ARHGAP15: variants seen among roughly 807,000 people sequenced by gnomAD.
ARHGAP15 encodes Rho GTPase activating protein 15, also known as rho GTPase-activating protein 15.
ARHGAP15 carries 51 observed loss-of-function variants against 63.7 expected under a neutral mutation model. The observed-to-expected ratio is 0.80, with a 90% confidence interval of 0.64 to 1.01. ARHGAP15 has a LOEUF of 1.01. Ranked by LOEUF, ARHGAP15 falls within the 50% of genes least tolerant of loss-of-function variation. The pLI is 0.00. For missense variants in ARHGAP15, 560 were observed against 564.6 expected (o/e 0.99, Z 0.08); for synonymous variants, 191 against 193.8 (o/e 0.99, Z 0.12).
rs968265258 is a variant in ARHGAP15 at position 143,388,488 on chromosome 2, C to T, written c.475-47113C>T. Among the ~76,000 whole-genome samples, 7 of 152,168 alleles carry T rather than the reference C, an allele frequency of 4.6e-5. No individual in the cohort carries two copies. The East Asian group carries it at 1.3e-3, about 29-fold the overall frequency. ...AGATGGGTTTATGGGAGAGAGACAGCACAAACCCCCAAACTTGGGCCTTCA... is the reference window on the plus strand; with the variant it reads ...AGATGGGTTTATGGGAGAGAGACAGTACAAACCCCCAAACTTGGGCCTTCA... On this transcript the variant is annotated intron_variant, in intron 6 of 13. Coordinates refer to ENST00000295095, the MANE Select transcript of ARHGAP15 (RefSeq NM_018460.4).
At chr2:143,557,025 G>A (rs1321908577) in intron 11 of ARHGAP15, among the ~76,000 whole-genome samples, 1 of 152,082 alleles carries the variant, frequency 6.6e-6, no homozygotes. Flanking sequence ...GGAGCAACAG[G>A]AACTCTCATT....
intron 11 of ARHGAP15, among the ~76,000 whole-genome samples, chr2:143,592,488 C>T (rs1488478559): frequency 1.3e-5 from 2 of 152,162 alleles, no homozygotes; most frequent in African/African-American, 2.4e-5. Context: ...ATTTCCTTCC[C>T]ATTAGTTTCA....
intron 6 of ARHGAP15, among the ~76,000 whole-genome samples, chr2:143,344,849 A>C (rs1486911741): frequency 1.3e-5 from 2 of 152,150 alleles, no homozygotes; most frequent in East Asian, 3.9e-4. Flanking sequence ...AGTAAACTAC[A>C]AGGAATATCA....
chr2:143,426,648 G>C (rs1488012147), intron 6 of ARHGAP15, among the ~76,000 whole-genome samples: 1 of 152,144 alleles, frequency 6.6e-6, no homozygotes, highest in Non-Finnish European at 1.5e-5. Context: ...TCCTCACTCA[G>C]TCAGAAGACC....
Position 143,520,001 on chromosome 2 carries a change from A to C in ARHGAP15, c.925+637A>C, listed in dbSNP as rs1046697716. On this transcript the variant is annotated intron_variant, in intron 10 of 13. Transcript: ENST00000295095. The stretch of plus-strand genomic sequence containing the variant: ...CTATCTGTGGGGTGTTTTTCCTTCA[A>C]ACTATGACTTCATTCATTCAAGGTC... Among the ~76,000 whole-genome samples the C allele has an allele frequency of 5.9e-5, 9 of 152,296 alleles. No homozygotes were observed. The East Asian group carries it at 1.7e-3, about 29-fold the overall frequency.
chr2:143,746,816 A>G (rs1454434242), intron 13 of ARHGAP15, among the ~76,000 whole-genome samples: 1 of 152,242 alleles, frequency 6.6e-6, no homozygotes, highest in Non-Finnish European at 1.5e-5. Flanking sequence ...ATATGATTCT[A>G]AAAGTCTTCC....
Position 143,487,447 on chromosome 2 carries a change from A to G in ARHGAP15, c.778A>G (p.Thr260Ala), listed in dbSNP as rs1257430987. 6.2e-7 allele frequency: 1 copy of G among 1,613,798 alleles called. No individual in the cohort carries two copies. Among genetic ancestry groups the G allele is most frequent in the East Asian group, 2.2e-5 (1 of 44,838 alleles). The part of the protein sequence containing the change: ...RVKSRLKKFI[T>A]RRPSLKTLQE... ...TAAAAGCAGATTAAAGAAGTTTATT[A>G]CCCGAAGACCTTCCCTGAAAACTCT... The change falls in exon 9 of 14, where the codon ACC becomes GCC. Residue 260 changes from threonine (T) to alanine (A), a missense_variant. By Grantham distance (58) the Thr-to-Ala change is moderately conservative. Coordinates refer to ENST00000295095, the MANE Select transcript of ARHGAP15 (RefSeq NM_018460.4).
chr2:143,235,044 G>T (rs1169780932), intron 5 of ARHGAP15, among the ~76,000 whole-genome samples: 1 of 151,972 alleles, frequency 6.6e-6, no homozygotes, highest in Non-Finnish European at 1.5e-5. Context: ...GTATGCATTT[G>T]GTTAATCAAG....
At chr2:143,620,196 T>C (rs555837645) in intron 11 of ARHGAP15, among the ~76,000 whole-genome samples, 1 of 152,352 alleles carries the variant, frequency 6.6e-6, no homozygotes, top group Non-Finnish European at 1.5e-5. Context: ...TATCCTTCTA[T>C]CTTCATTTTA....
intron 11 of ARHGAP15, among the ~76,000 whole-genome samples, chr2:143,623,751 C>T (rs976037252): frequency 1.3e-5 from 2 of 152,338 alleles, no homozygotes; most frequent in Middle Eastern, 3.4e-3. Context: ...GCCTTTAGGC[C>T]GGTCCCTTGA....
chr2:143,747,213 G>C (rs1004942756), intron 13 of ARHGAP15, among the ~76,000 whole-genome samples: 2 of 151,382 alleles, frequency 1.3e-5, no homozygotes, highest in African/African-American at 4.9e-5. Context: ...AAACCTGCAC[G>C]CTCAGCACGT....
intron 6 of ARHGAP15, among the ~76,000 whole-genome samples, chr2:143,342,263 AAAAG>A (rs1331735104): frequency 1.6e-4 from 25 of 152,180 alleles, no homozygotes; most frequent in Admixed American, 1.6e-3. Flanking sequence ...TGTTTTCTCA[AAAAG>A]AAAGAACACT....
At chr2:143,543,074 T>G (rs982872075) in intron 10 of ARHGAP15, among the ~76,000 whole-genome samples, 6 of 151,940 alleles carry the variant, frequency 3.9e-5, no homozygotes, top group African/African-American at 1.4e-4. Context: ...GTGGGATTGC[T>G]GGATCATATG....
chr2:143,693,696 G>A (rs190740779), intron 12 of ARHGAP15, among the ~76,000 whole-genome samples: 9 of 152,112 alleles, frequency 5.9e-5, no homozygotes, highest in Admixed American at 2.0e-4. Context: ...TCCATACTAC[G>A]TATTAATGTA....
intron 12 of ARHGAP15, among the ~76,000 whole-genome samples, chr2:143,679,740 G>C (rs748835338): frequency 6.6e-6 from 1 of 151,714 alleles, no homozygotes; most frequent in Non-Finnish European, 1.5e-5. Context: ...CTGTGCTTTC[G>C]TCCTCGAAGC....
chr2:143,697,916 G>A (rs1403486986), intron 12 of ARHGAP15, among the ~76,000 whole-genome samples: 4 of 152,132 alleles, frequency 2.6e-5, no homozygotes, highest in Admixed American at 2.6e-4. Flanking sequence ...AGAAACTAGA[G>A]AACTGCTATT....
At chr2:143,434,091 G>C (rs2105085386) in intron 6 of ARHGAP15, among the ~76,000 whole-genome samples, 1 of 152,140 alleles carries the variant, frequency 6.6e-6, no homozygotes, top group Middle Eastern at 3.4e-3. Flanking sequence ...CATAAAATAG[G>C]AGGCTGTTTT....
At chr2:143,209,127 T>C (rs1692470615) in intron 3 of ARHGAP15, among the ~76,000 whole-genome samples, 1 of 152,142 alleles carries the variant, frequency 6.6e-6, no homozygotes, top group Admixed American at 6.6e-5. Flanking sequence ...ACGAAGGACA[T>C]AGACTTTGGG....
At chr2:143,196,095 G>T (rs1056001610) in intron 2 of ARHGAP15, among the ~76,000 whole-genome samples, 2 of 152,014 alleles carry the variant, frequency 1.3e-5, no homozygotes, top group African/African-American at 4.8e-5. Context: ...ATCCTAATAA[G>T]AACAAAGAGG....
Sources: gnomAD v4.1 joint callset for allele counts (sites outside exome capture counted in the v4.1 genomes callset) on GRCh38, gnomAD v4.1.1 for gene constraint, MANE v1.5 for transcripts, NCBI Gene and HGNC (gene_info 2026-07-23, HGNC 2026-07-21) for gene names.